Variants in USP54 observed in about 807,000 individuals in gnomAD.
USP54 encodes ubiquitin carboxyl-terminal hydrolase 54.
USP54 carries 87 observed loss-of-function variants against 170.5 expected under a neutral mutation model. The observed-to-expected ratio is 0.51, with a 90% CI of 0.43 to 0.61. The LOEUF (loss-of-function observed/expected upper bound fraction) is 0.61, where lower values mean the gene tolerates loss of function less well. Ranked by LOEUF, USP54 falls within the 20% of genes least tolerant of loss-of-function variation. The pLI is 0.00. For synonymous variants in USP54, 655 were observed against 742.8 expected, an observed-to-expected ratio of 0.88 and a Z score of 1.92; for missense variants, 1,786 against 2,047.8, an observed-to-expected ratio of 0.87 and a Z score of 2.47.
chr10:73,608,293 AG>A (rs1224547935), intron 1 of USP54, among the ~76,000 whole-genome samples: 25 of 152,088 alleles, frequency 1.6e-4, no homozygotes, highest in African/African-American at 6.0e-4. Flanking sequence ...ACAGTTATTC[AG>A]ACTTTCTCTA....
intron 1 of USP54, chr10:73,614,107 T>A (rs984231286): frequency 2.1e-5 from 3 of 141,042 alleles, no homozygotes; most frequent in Admixed American, 6.8e-5. Flanking sequence ...GAGGCTAAAG[T>A]GGAAGGATCA....
At chr10:73,543,234 T>C (rs551078205) in intron 5 of USP54, 103 bp from the exon 6 acceptor site, 8 of 782,020 alleles carry the variant, frequency 1.0e-5, no homozygotes, top group South Asian at 9.0e-5. Flanking sequence ...TTCTGGAAGG[T>C]AGGAATATTT....
At chr10:73,535,118 C>T (rs1357765688) in intron 11 of USP54, among the ~76,000 whole-genome samples, 3 of 152,188 alleles carry the variant, frequency 2.0e-5, no homozygotes, top group African/African-American at 7.2e-5. Context: ...CCAGGACAAC[C>T]TGTCATACAT....
At chr10:73,590,615 T>G (rs1351717969) in intron 1 of USP54, among the ~76,000 whole-genome samples, 1 of 152,222 alleles carries the variant, frequency 6.6e-6, no homozygotes, top group Non-Finnish European at 1.5e-5. Context: ...TTAAATATTT[T>G]ACTTTCAAAA....
intron 15 of USP54, among the ~76,000 whole-genome samples, chr10:73,527,565 T>C (rs2063145801): frequency 6.7e-6 from 1 of 148,404 alleles, no homozygotes; most frequent in Non-Finnish European, 1.5e-5. Context: ...AAATAATGTA[T>C]GGAGATTTGA....
chr10:73,570,193 T>C (rs1302097559), intron 4 of USP54, among the ~76,000 whole-genome samples: 1 of 152,086 alleles, frequency 6.6e-6, no homozygotes, highest in Admixed American at 6.6e-5. Context: ...TAATCCATTA[T>C]ATATCTGGAC....
intron 1 of USP54, among the ~76,000 whole-genome samples, chr10:73,577,733 T>C (rs1305354913): frequency 6.6e-6 from 1 of 152,208 alleles, no homozygotes; most frequent in Non-Finnish European, 1.5e-5. Flanking sequence ...TTATATATTT[T>C]ATTATTCTAT....
chr10:73,529,708 C>G lies in USP54; in HGVS notation c.2032G>C (p.Ala678Pro). ...TAGACATTTGAGCTCTCAGGCAGGG[C>G]TGCATCCAGGCTGACAGGGCTGCTG... ...NSSSPVSLDA[A>P]LPESSNVYRD... The change falls in exon 15 of 24, where the codon GCC becomes CCC. Residue 678 changes from alanine to proline, a missense_variant. Ala to Pro is a conservative substitution (Grantham distance 27). Around this residue, in one of 3 missense-constraint regions of USP54, gnomAD observed 1,418 missense variants for 1,569.0 expected, o/e 0.90. Coordinates refer to ENST00000687698, the MANE Select transcript of USP54 (RefSeq NM_001391956.1). The G allele has an allele frequency of 6.2e-7, 1 of 1,613,996 alleles. No individual in the cohort carries two copies. Among genetic ancestry groups the G allele is most frequent in the Non-Finnish European group, 8.5e-7 (1 of 1,179,866 alleles).
At chr10:73,538,888 T>C (rs1213334371) in intron 10 of USP54, among the ~76,000 whole-genome samples, 2 of 152,106 alleles carry the variant, frequency 1.3e-5, no homozygotes, top group African/African-American at 4.8e-5. Context: ...ATTCAGAGGA[T>C]ATAATAGAAG....
intron 1 of USP54, among the ~76,000 whole-genome samples, chr10:73,585,929 T>C (rs1223278460): frequency 6.6e-6 from 1 of 152,106 alleles, no homozygotes; most frequent in African/African-American, 2.4e-5. Flanking sequence ...AGGAGAATCT[T>C]GAACCCGGGA....
chr10:73,596,034 C>A (rs1254538148), upstream of USP54, among the ~76,000 whole-genome samples: 5 of 150,946 alleles, frequency 3.3e-5, no homozygotes, highest in African/African-American at 4.9e-5. Context: ...TCGCTTGAAC[C>A]CAGGAGGCGG....
chr10:73,612,244 A>G (rs530019688), intron 1 of USP54, among the ~76,000 whole-genome samples: 7 of 152,042 alleles, frequency 4.6e-5, no homozygotes, highest in African/African-American at 1.2e-4. Flanking sequence ...CTTCTCCCCA[A>G]TTTTAAATGC....
At chr10:73,574,015 C>T (rs2075704143) in intron 3 of USP54, among the ~76,000 whole-genome samples, 1 of 152,184 alleles carries the variant, frequency 6.6e-6, no homozygotes, top group Non-Finnish European at 1.5e-5. Context: ...AGGAGTGAAG[C>T]TAATATTTTA....
chr10:73,611,483 T>C (rs141675069), intron 1 of USP54: 3 of 151,952 alleles, frequency 2.0e-5, no homozygotes, highest in African/African-American at 7.2e-5. Flanking sequence ...AACCCAGATC[T>C]AGAAAAAATA....
intron 20 of USP54, among the ~76,000 whole-genome samples, chr10:73,515,221 T>C (rs1036709631): frequency 6.6e-6 from 1 of 152,078 alleles, no homozygotes; most frequent in Non-Finnish European, 1.5e-5. Context: ...TAAGGAAAAG[T>C]TCTCCAAGTT....
intron 4 of USP54, among the ~76,000 whole-genome samples, chr10:73,566,182 A>T (rs2073749633): frequency 1.3e-5 from 2 of 152,238 alleles, no homozygotes; most frequent in South Asian, 4.1e-4. Flanking sequence ...GTGAGCTGAG[A>T]TCGCACCATT....
intron 1 of USP54, chr10:73,615,153 A>T (rs1005196662): frequency 6.7e-6 from 1 of 150,350 alleles, no homozygotes; most frequent in Non-Finnish European, 1.5e-5. Context: ...GGACTTTAAA[A>T]CTAGCCTGGC....
intron 17 of USP54, among the ~76,000 whole-genome samples, chr10:73,521,884 T>A (rs552728725): frequency 3.3e-5 from 5 of 152,124 alleles, no homozygotes; most frequent in African/African-American, 1.2e-4. Flanking sequence ...GGCAGAAAAA[T>A]TTTTGTAAAA....
chr10:73,537,079 A>G (rs985228561), intron 10 of USP54, among the ~76,000 whole-genome samples: 6 of 152,106 alleles, frequency 3.9e-5, no homozygotes, highest in Admixed American at 2.6e-4. Context: ...TCAAACTCAC[A>G]CCATCTTAAG....
Sources: allele counts gnomAD v4.1 joint callset (sites outside exome capture counted in the v4.1 genomes callset), GRCh38; gene constraint gnomAD v4.1.1; regional missense constraint gnomAD v4.1.1; transcripts MANE v1.5; gene names NCBI Gene and HGNC (gene_info 2026-07-23, HGNC 2026-07-21).